The following SYNGR1 variants were observed in gnomAD, a reference collection of about 807,000 sequenced individuals.
SYNGR1 encodes synaptogyrin 1.
A neutral mutation model predicts 26.1 loss-of-function variants in SYNGR1; 14 were observed. The ratio of observed to expected loss-of-function variants is 0.54; its 90% CI spans 0.35 to 0.84. The LOEUF (loss-of-function observed/expected upper bound fraction) is 0.84. SYNGR1 is among the 40% of genes least tolerant of loss of function. The pLI is 0.01. For missense variants in SYNGR1, 319 were observed against 332.9 expected, an observed-to-expected ratio of 0.96 and a Z score of 0.33; for synonymous variants, 141 against 150.1, an observed-to-expected ratio of 0.94 and a Z score of 0.44.
chr22:39,373,892 G>A (rs942639545), intron 1 of SYNGR1, among the ~76,000 whole-genome samples: 1 of 152,254 alleles, frequency 6.6e-6, no homozygotes, highest in East Asian at 1.9e-4. Context: ...ACAAGATGGG[G>A]CCCGGCACAT....
At chr22:39,360,152 C>T (rs1433076937) in intron 1 of SYNGR1, among the ~76,000 whole-genome samples, 2 of 152,208 alleles carry the variant, frequency 1.3e-5, no homozygotes, top group African/African-American at 2.4e-5. Context: ...GTTCTGGTGG[C>T]CCAGGCCAGC....
chr22:39,365,011 T>A (rs1210991866), intron 1 of SYNGR1, among the ~76,000 whole-genome samples: 1 of 152,126 alleles, frequency 6.6e-6, no homozygotes, highest in Non-Finnish European at 1.5e-5. Flanking sequence ...TTTTTTAGCG[T>A]TTGCTTTAGC....
At chr22:39,373,798 A>G (rs1925142150) in intron 1 of SYNGR1, among the ~76,000 whole-genome samples, 1 of 152,174 alleles carries the variant, frequency 6.6e-6, no homozygotes, top group African/African-American at 2.4e-5. Flanking sequence ...TTATTTTTTC[A>G]TTCATCACTC....
Position 39,350,020 on chromosome 22 carries a change from G to T in SYNGR1, c.10G>T (p.Gly4Cys). Reference protein sequence around the residue: MEGGAYGAGKAGGA... With the variant: MEGCAYGAGKAGGA... ...CGCGGGTGCAGCCACGATGGAAGGG[G>T]GTGCGTACGGAGCGGGCAAAGCCGG... Residue 4 changes from glycine (G) to cysteine (C), a missense_variant, in exon 1 of 4, where the codon GGT (glycine) becomes TGT (cysteine). Gly to Cys is a radical substitution (Grantham distance 159, BLOSUM62 -3). Transcript: ENST00000328933. This position sits in a 1 kb window ranked among gnomAD's most constrained non-coding sequence, Gnocchi z 4.3. The T allele has an allele frequency of 7.3e-7, 1 of 1,365,604 alleles. No homozygotes were observed. Among genetic ancestry groups the T allele is most frequent in the Non-Finnish European group, 9.6e-7 (1 of 1,039,866 alleles). 84.6% of individuals were successfully genotyped at this position (1,365,604 alleles called of 1,614,324 possible).
chr22:39,361,811 C>T (rs1924484778), intron 1 of SYNGR1, among the ~76,000 whole-genome samples: 1 of 152,114 alleles, frequency 6.6e-6, no homozygotes, highest in East Asian at 1.9e-4. Flanking sequence ...GGCATTTACA[C>T]CCCTTTCCAG....
intron 1 of SYNGR1, among the ~76,000 whole-genome samples, chr22:39,367,411 A>G (rs1056375662): frequency 6.6e-6 from 1 of 152,152 alleles, no homozygotes; most frequent in Non-Finnish European, 1.5e-5. Flanking sequence ...AAAACATGGA[A>G]AGGGGCCTGG....
intron 1 of SYNGR1, among the ~76,000 whole-genome samples, chr22:39,368,788 G>C (rs16985822): frequency 0.013 from 1,993 of 152,308 alleles, 48 homozygotes; most frequent in African/African-American, 0.045. Flanking sequence ...AGCGCTGGCA[G>C]CAGTGGGGTC....
intron 1 of SYNGR1, among the ~76,000 whole-genome samples, chr22:39,355,566 CA>C (rs1413781149): frequency 2.6e-5 from 4 of 152,190 alleles, no homozygotes; most frequent in African/African-American, 9.7e-5. Flanking sequence ...AGGGACAGCC[CA>C]GGGGCGGCCT....
At chr22:39,354,518 C>G (rs920042005) in intron 1 of SYNGR1, among the ~76,000 whole-genome samples, 6 of 152,130 alleles carry the variant, frequency 3.9e-5, no homozygotes, top group Admixed American at 3.9e-4. Context: ...ACTCCACCCC[C>G]CATCATCCCA....
At chr22:39,374,721 C>A in intron 2 of SYNGR1, 168 bp downstream of exon 2, 1 of 738,612 alleles carries the variant, frequency 1.4e-6, no homozygotes, top group Non-Finnish European at 2.3e-6. Context: ...AGGATGGGAC[C>A]AGGACAGGGC....
intron 1 of SYNGR1, among the ~76,000 whole-genome samples, chr22:39,373,175 A>AT (rs572259594): frequency 0.037 from 5,403 of 144,838 alleles, 325 homozygotes; most frequent in African/African-American, 0.13. Context: ...ACATAGATAG[A>AT]TTTTTTTTTT....
chr22:39,359,426 C>A (rs1422958544), intron 1 of SYNGR1, among the ~76,000 whole-genome samples: 2 of 151,262 alleles, frequency 1.3e-5, no homozygotes, highest in Non-Finnish European at 2.9e-5. Context: ...TCAAGACCAT[C>A]CTGGCTGAGA....
chr22:39,364,202 C>T (rs746762338), intron 1 of SYNGR1: 3 of 1,613,390 alleles, frequency 1.9e-6, no homozygotes, highest in East Asian at 4.5e-5. Context: ...CTCATGTTGA[C>T]CTTAGAGTTT....
intron 2 of SYNGR1, chr22:39,375,261 C>G (rs1925226428): frequency 6.4e-6 from 1 of 157,176 alleles, no homozygotes; most frequent in East Asian, 1.9e-4. Context: ...TTAGAAGGAA[C>G]TAGAACTAAA....
chr22:39,384,305 A>ACTC lies in SYNGR1; in HGVS notation c.*2393_*2395dup. The ACTC allele has an allele frequency of 2.6e-6, 1 of 389,744 alleles. No individual in the cohort carries two copies. Among genetic ancestry groups the ACTC allele is most frequent in the Non-Finnish European group, 4.5e-6 (1 of 220,912 alleles). 24.1% of individuals were successfully genotyped at this position (389,744 alleles called of 1,614,324 possible). The stretch of plus-strand genomic sequence containing the variant: ...GAGGGCAGGGTACCAGGTAAGCTTA[A>ACTC]CTCCATCTTGGGTGTTTGTGACAGG... On this transcript the variant is annotated 3_prime_UTR_variant, in exon 4 of 4. Coordinates refer to ENST00000328933, the MANE Select transcript of SYNGR1 (RefSeq NM_004711.5).
intron 1 of SYNGR1, among the ~76,000 whole-genome samples, chr22:39,373,282 C>T (rs1431965846): frequency 6.6e-6 from 1 of 151,902 alleles, no homozygotes; most frequent in African/African-American, 2.4e-5. Context: ...GATTCTCCTG[C>T]CTCAGCCTCC....
intron 1 of SYNGR1, among the ~76,000 whole-genome samples, chr22:39,358,626 C>G (rs1044160697): frequency 8.5e-5 from 13 of 152,098 alleles, no homozygotes; most frequent in Non-Finnish European, 1.6e-4. Flanking sequence ...ACTCCTGAGC[C>G]AGCAAGACCA....
At chr22:39,364,465 C>T (rs1180361312) in intron 1 of SYNGR1, among the ~76,000 whole-genome samples, 1 of 152,160 alleles carries the variant, frequency 6.6e-6, no homozygotes, top group East Asian at 1.9e-4. Flanking sequence ...GGCACCAGCT[C>T]CTGGGAGGCT....
chr22:39,357,987 G>A lies in SYNGR1; in HGVS notation c.99+7878G>A, dbSNP rs111464684. Among the ~76,000 whole-genome samples the A allele has an allele frequency of 2.0e-5, 3 of 152,364 alleles. No homozygotes were observed. The East Asian group carries it at 5.8e-4, about 29-fold the overall frequency. ...CACCCAAGGGCTGAGGAGTGCGAGC[G>A]CACGGCGCGGGAGTGGCAGGCAGCT... is the stretch of plus-strand genomic sequence containing the variant. On this transcript the variant is annotated intron_variant, in intron 1 of 3. Coordinates refer to ENST00000328933, the MANE Select transcript of SYNGR1 (RefSeq NM_004711.5).
Sources: allele counts gnomAD v4.1 joint callset (sites outside exome capture counted in the v4.1 genomes callset), GRCh38; gene constraint gnomAD v4.1.1; non-coding constraint Gnocchi (gnomAD v3.1); transcripts MANE v1.5; gene names NCBI Gene and HGNC (gene_info 2026-07-23, HGNC 2026-07-21).